The following SAMD4B variants were observed in gnomAD, a reference collection of about 807,000 sequenced individuals.
The protein encoded by SAMD4B is protein Smaug homolog 2.
A neutral mutation model predicts 74.5 loss-of-function variants in SAMD4B; 5 were observed. The observed-to-expected ratio is 0.07, with a 90% confidence interval of 0.04 to 0.14. The LOEUF is 0.14. Among genes scored for constraint, SAMD4B ranks in the 10% least tolerant of loss-of-function variants. The pLI is 1.00. For missense variants in SAMD4B, 608 were observed against 921.8 expected (o/e 0.66, Z 4.41); for synonymous variants, 373 against 374.9 (o/e 1.00, Z 0.06).
At chr19:39,362,206 T>TA (rs1279800001) in intron 3 of SAMD4B, among the ~76,000 whole-genome samples, 1 of 152,178 alleles carries the variant, frequency 6.6e-6, no homozygotes, top group African/African-American at 2.4e-5. Flanking sequence ...AGGGCCTTTC[T>TA]AAAAATAATG....
rs972431742 is a variant in SAMD4B at position 39,375,589 on chromosome 19, G to T, written c.668-61G>T. ...GCCATCCTGGCACTGACGGCAGGGG[G>T]ATGGTCTCCTGTGGTTGGGTCCCCA... On this transcript the variant is annotated intron_variant, in intron 4 of 13. Transcript: ENST00000610417. This position sits in a 1 kb window ranked among gnomAD's most constrained non-coding sequence, Gnocchi z 4.1. 7.7e-6 allele frequency: 12 copies of T among 1,565,032 alleles called. No individual in the cohort carries two copies. In the East Asian group the frequency reaches 1.6e-4, roughly 21 times the overall value.
At position 39,383,596 on chromosome 19, in the gene SAMD4B, T is replaced by C. The variant is rs2078136102; in HGVS notation, c.*69T>C. 1 of 1,613,894 alleles carries C rather than the reference T, an allele frequency of 6.2e-7. No individual in the cohort carries two copies. The highest frequency in any genetic ancestry group is 1.7e-5 in the Admixed American group (1 of 59,986). On this transcript the variant is annotated 3_prime_UTR_variant, in exon 14 of 14. Coordinates refer to ENST00000610417, the MANE Select transcript of SAMD4B (RefSeq NM_001384574.2). This position sits in a 1 kb window ranked among gnomAD's most constrained non-coding sequence, Gnocchi z 4.1. ...GGCGGGGGCCAACCCCCAACGGGCT[T>C]CTCCGCGACAGCGAGAGGGTGGGCT...
chr19:39,377,665 C>T lies in SAMD4B; in HGVS notation c.1285C>T (p.His429Tyr). 3 of 1,614,132 alleles carry T rather than the reference C, an allele frequency of 1.9e-6. No individual in the cohort carries two copies. Among genetic ancestry groups the T allele is most frequent in the Non-Finnish European group, 2.5e-6 (3 of 1,179,976 alleles). Reference sequence around the variant, plus strand: ...GCCAGGTGCTGAGCCTCCCCTAGCCCACCCCGGCACAGACAAAGGCACCGA... The same window carrying T: ...GCCAGGTGCTGAGCCTCCCCTAGCCTACCCCGGCACAGACAAAGGCACCGA... Reference protein sequence around the residue: ...PLPGAEPPLAHPGTDKGTEAK... With the variant: ...PLPGAEPPLAYPGTDKGTEAK... The change falls in exon 8 of 14, where the codon CAC becomes TAC. Residue 429 changes from histidine (H) to tyrosine (Y), a missense_variant. His to Tyr is a moderately conservative substitution (Grantham distance 83, BLOSUM62 2). This residue lies in a region of SAMD4B where 99 missense variants were observed against 112.1 expected (regional missense o/e 0.88). Transcript: ENST00000610417.
intron 3 of SAMD4B, 88 bp from the exon 4 acceptor site, chr19:39,369,567 T>C (rs2077169223): frequency 2.0e-6 from 2 of 1,002,074 alleles, no homozygotes; most frequent in East Asian, 2.6e-5. Context: ...AGATTGGAGC[T>C]GAGGGAATAG....
At chr19:39,382,501 G>A (rs1409722631) in intron 12 of SAMD4B, among the ~76,000 whole-genome samples, 1 of 152,110 alleles carries the variant, frequency 6.6e-6, no homozygotes, top group Non-Finnish European at 1.5e-5. Context: ...GGGTTCAGAG[G>A]GAACAGTGAT....
intron 1 of SAMD4B, among the ~76,000 whole-genome samples, chr19:39,346,814 G>A (rs1053387947): frequency 2.0e-5 from 3 of 152,114 alleles, no homozygotes; most frequent in African/African-American, 7.2e-5. Context: ...CACCAGTTTT[G>A]TACCCTAGGA....
At chr19:39,344,788 C>T (rs1298811132) in intron 1 of SAMD4B, among the ~76,000 whole-genome samples, 1 of 152,116 alleles carries the variant, frequency 6.6e-6, no homozygotes, top group African/African-American at 2.4e-5. Flanking sequence ...CCTTGAAATC[C>T]CAGTGCTCCG....
rs190339407 is a variant in SAMD4B, at chr19:39,356,451, C to T, written c.-205-238C>T. Among the ~76,000 whole-genome samples, 7 of 152,304 alleles carry T rather than the reference C, an allele frequency of 4.6e-5. No individual in the cohort carries two copies. The East Asian group carries it at 1.4e-3, about 29-fold the overall frequency. On this transcript the variant is annotated intron_variant, in intron 2 of 13. Transcript: ENST00000610417. Reference sequence around the variant, plus strand: ...TATGACAGCCAGGTGTGAGGGCCAACATCTCCTTGGTCTCTGGGATAGGCA... The same window carrying T: ...TATGACAGCCAGGTGTGAGGGCCAATATCTCCTTGGTCTCTGGGATAGGCA...
chr19:39,372,166 A>C (rs1214594095), intron 4 of SAMD4B, among the ~76,000 whole-genome samples: 10 of 152,194 alleles, frequency 6.6e-5, no homozygotes, highest in Non-Finnish European at 1.5e-4. Flanking sequence ...TCCAAGTAGA[A>C]GGCACAGCAT....
intron 3 of SAMD4B, among the ~76,000 whole-genome samples, chr19:39,360,959 G>T (rs967585580): frequency 6.6e-6 from 1 of 152,122 alleles, no homozygotes; most frequent in Non-Finnish European, 1.5e-5. Flanking sequence ...TTCATTTGTT[G>T]TGAGACATGA....
intron 1 of SAMD4B, among the ~76,000 whole-genome samples, chr19:39,344,621 C>A (rs1012310231): frequency 2.6e-5 from 4 of 152,108 alleles, no homozygotes; most frequent in Admixed American, 2.6e-4. Context: ...CCTCTCATTT[C>A]CCCATTCTCT....
downstream of SAMD4B, chr19:39,389,953 C>T (rs2078337684): frequency 2.8e-6 from 3 of 1,059,398 alleles, no homozygotes; most frequent in Admixed American, 3.6e-5. This position sits in a 1 kb window ranked among gnomAD's most constrained non-coding sequence, Gnocchi z 5.3. Flanking sequence ...GCAGCTACTA[C>T]TATGTGCTAG....
chr19:39,383,087 C>A lies in SAMD4B; in HGVS notation c.1973-121C>A. On this transcript the variant is annotated intron_variant, in intron 12 of 13. Coordinates refer to ENST00000610417, the MANE Select transcript of SAMD4B (RefSeq NM_001384574.2). This position sits in a 1 kb window ranked among gnomAD's most constrained non-coding sequence, Gnocchi z 4.1. Reference sequence around the variant, plus strand: ...CTCTCCCTGTCCACCTCCTCCCGTTCTTCCCTCTCCCCCTCCATCTCTCTT... The same window carrying A: ...CTCTCCCTGTCCACCTCCTCCCGTTATTCCCTCTCCCCCTCCATCTCTCTT... The A allele has an allele frequency of 2.5e-6, 2 of 796,470 alleles. No individual in the cohort carries two copies. Among genetic ancestry groups the A allele is most frequent in the South Asian group, 2.8e-5 (2 of 70,554 alleles). 49.3% of individuals were successfully genotyped at this position (796,470 alleles called of 1,614,324 possible).
downstream of SAMD4B, chr19:39,388,692 G>T: frequency 1.2e-6 from 2 of 1,612,784 alleles, no homozygotes; most frequent in Non-Finnish European, 1.7e-6. Context: ...TGGGGGAAAA[G>T]GAGTAGCAAT....
chr19:39,383,842 T>A lies in SAMD4B; in HGVS notation c.*315T>A. The A allele has an allele frequency of 1.1e-6, 1 of 870,810 alleles. No individual in the cohort carries two copies. The highest frequency in any genetic ancestry group is 1.7e-5 in the South Asian group (1 of 60,564). 53.9% of individuals were successfully genotyped at this position (870,810 alleles called of 1,614,324 possible). On this transcript the variant is annotated 3_prime_UTR_variant, in exon 14 of 14. Coordinates refer to ENST00000610417, the MANE Select transcript of SAMD4B (RefSeq NM_001384574.2). This position sits in a 1 kb window ranked among gnomAD's most constrained non-coding sequence, Gnocchi z 4.1. ...CTGGTCCCATCCCACCCCTGCCTCC[T>A]CCAGACCGCTGACCACCTGCCTCTC... is the stretch of plus-strand genomic sequence containing the variant.
intron 7 of SAMD4B, 131 bp from the exon 8 acceptor site, chr19:39,377,354 G>C (rs1304529364): frequency 1.5e-6 from 1 of 669,990 alleles, no homozygotes; most frequent in African/African-American, 1.8e-5. Flanking sequence ...ACCCTTACAT[G>C]CCTTCTCTAT....
At chr19:39,377,880 A>C (rs890345205) in intron 8 of SAMD4B, 56 bp downstream of exon 8, 2 of 1,489,518 alleles carry the variant, frequency 1.3e-6, no homozygotes, top group Non-Finnish European at 1.8e-6. Flanking sequence ...AAGTGAACCC[A>C]AGCACCAGGG....
At chr19:39,380,910 A>C in intron 11 of SAMD4B, 80 bp from the exon 12 acceptor site, 1 of 1,528,112 alleles carries the variant, frequency 6.5e-7, no homozygotes, top group Admixed American at 2.0e-5. Context: ...GAGTGGGAGA[A>C]GGCCTGTACC....
At position 39,342,427 on chromosome 19, in the gene SAMD4B, C is replaced by G. The variant is rs1407222237; in HGVS notation, c.-416C>G. ...GGGCCAGGGGCGGTGACGCACGGCG[C>G]GGTGACGCAGCGCGACGGCGGCGGC... On this transcript the variant is annotated 5_prime_UTR_variant, in exon 1 of 14. Transcript: ENST00000610417. 5.7e-6 allele frequency: 1 copy of G among 175,588 alleles called. No individual in the cohort carries two copies. The highest frequency in any genetic ancestry group is 1.2e-5 in the Non-Finnish European group (1 of 86,656). 10.9% of individuals were successfully genotyped at this position (175,588 alleles called of 1,614,324 possible).
Sources: gnomAD v4.1 joint callset for allele counts (sites outside exome capture counted in the v4.1 genomes callset) on GRCh38, gnomAD v4.1.1 for gene constraint, gnomAD v4.1.1 regional missense constraint, Gnocchi (gnomAD v3.1) non-coding constraint, MANE v1.5 for transcripts, NCBI Gene and HGNC (gene_info 2026-07-23, HGNC 2026-07-21) for gene names.